The following LAMA3 variants were observed in gnomAD, a reference collection of about 807,000 sequenced individuals.
LAMA3 encodes laminin subunit alpha 3.
LAMA3 carries 281 observed loss-of-function variants against 402.0 expected under a neutral mutation model. The ratio of observed to expected loss-of-function variants is 0.70; its 90% CI spans 0.63 to 0.77. The LOEUF (loss-of-function observed/expected upper bound fraction) is 0.77, where lower values mean the gene tolerates loss of function less well. Ranked by LOEUF, LAMA3 falls within the 30% of genes least tolerant of loss-of-function variation. LAMA3 has a pLI of 0.00. For missense variants in LAMA3, 3,840 were observed against 4,215.5 expected (o/e 0.91, Z 2.47); for synonymous variants, 1,431 against 1,558.4 (o/e 0.92, Z 1.93).
chr18:23,939,432 C>T (rs1365686924), intron 68 of LAMA3, 46 bp downstream of exon 68: 2 of 1,589,122 alleles, frequency 1.3e-6, no homozygotes, highest in African/African-American at 2.7e-5. Flanking sequence ...GAACCTGACT[C>T]TGCGATTCCA....
rs751493670 is a variant in LAMA3, at chr18:23,833,875, G to T, written c.2871G>T (p.Val957=). Residue 957 remains valine (V), a synonymous_variant, in exon 24 of 75, where the codon GTG becomes GTT. Coordinates refer to ENST00000313654, the MANE Select transcript of LAMA3 (RefSeq NM_198129.4). ...GCATCCCACAGGTTGGCCACTACGT[G>T]GTTGTGGTCGAGTATTCCACGGAGG... ...RLRIPQVGHY[V]VVVEYSTEAA... 7 of 1,614,020 alleles carry T rather than the reference G, an allele frequency of 4.3e-6. No individual in the cohort carries two copies. Among genetic ancestry groups the T allele is most frequent in the Middle Eastern group, 1.7e-4 (1 of 5,914 alleles).
At chr18:23,855,553 A>G (rs972707933) in intron 32 of LAMA3, among the ~76,000 whole-genome samples, 3 of 152,208 alleles carry the variant, frequency 2.0e-5, no homozygotes, top group Admixed American at 6.5e-5. Flanking sequence ...GAGGGTCACA[A>G]GAAGAGAGCA....
chr18:23,744,405 CTAAT>C (rs1236307893), intron 2 of LAMA3, among the ~76,000 whole-genome samples: 1 of 152,148 alleles, frequency 6.6e-6, no homozygotes. Flanking sequence ...CATGTTCTAG[CTAAT>C]TAGTGCTGGA....
chr18:23,700,277 T>G, intron 1 of LAMA3, among the ~76,000 whole-genome samples: 1 of 152,160 alleles, frequency 6.6e-6, no homozygotes, highest in East Asian at 1.9e-4. Flanking sequence ...AGAACCCTCT[T>G]GGAGCCTGGA....
At chr18:23,865,265 G>A (rs909991188) in intron 36 of LAMA3, among the ~76,000 whole-genome samples, 2 of 152,056 alleles carry the variant, frequency 1.3e-5, no homozygotes, top group African/African-American at 2.4e-5. Context: ...AAGCACTGGA[G>A]TTATAGGCAC....
At position 23,839,477 on chromosome 18, in the gene LAMA3, G is replaced by A. The variant is rs1404640339; in HGVS notation, c.3192-308G>A. Among the ~76,000 whole-genome samples the A allele has an allele frequency of 6.6e-6, 1 of 152,174 alleles. No individual in the cohort carries two copies. The highest frequency in any genetic ancestry group is 2.4e-5 in the African/African-American group (1 of 41,432). On this transcript the variant is annotated intron_variant, in intron 26 of 74. Transcript: ENST00000313654. This position sits in a 1 kb window ranked among gnomAD's most constrained non-coding sequence, Gnocchi z 4.5. Reference sequence around the variant, plus strand: ...GTTTAGAGGTGAATAATGTTTTATTGTATTGATCTCATTTTAACAATTAAT... The same window carrying A: ...GTTTAGAGGTGAATAATGTTTTATTATATTGATCTCATTTTAACAATTAAT...
chr18:23,894,420 T>G, intron 43 of LAMA3, 72 bp downstream of exon 43: 1 of 1,313,294 alleles, frequency 7.6e-7, no homozygotes, highest in South Asian at 1.2e-5. Context: ...AGCACCATGC[T>G]GGGTCATGCA....
intron 1 of LAMA3, chr18:23,709,826 G>T: frequency 1.5e-6 from 1 of 662,630 alleles, no homozygotes; most frequent in South Asian, 1.4e-5. Flanking sequence ...CAGTTTAGAT[G>T]ATCCCAATTT....
chr18:23,697,587 T>A (rs1183781131), intron 1 of LAMA3, among the ~76,000 whole-genome samples: 1 of 152,234 alleles, frequency 6.6e-6, no homozygotes, highest in East Asian at 1.9e-4. Context: ...AATCCACAAC[T>A]TTTTGAGTGC....
rs188711864 is a variant in LAMA3, at chr18:23,768,410, A to C, written c.1182+4887A>C. ...AAAATGCTCCATATCACTAATCATC[A>C]TAGAAATGCATGTCAAAACCACAAT... On this transcript the variant is annotated intron_variant, in intron 8 of 74. Transcript: ENST00000313654. Among the ~76,000 whole-genome samples, 221 of 152,358 alleles carry C rather than the reference A, an allele frequency of 1.5e-3. 2 individuals are homozygous for C. The South Asian group carries it at 0.017, about 12-fold the overall frequency.
At chr18:23,807,851 T>C (rs998553641) in intron 12 of LAMA3, among the ~76,000 whole-genome samples, 19 of 152,232 alleles carry the variant, frequency 1.2e-4, no homozygotes, top group Admixed American at 9.2e-4. Context: ...GTTAGCCAAG[T>C]TGACACAAAA....
chr18:23,714,738 A>G (rs1598631661), intron 2 of LAMA3, among the ~76,000 whole-genome samples: 1 of 152,144 alleles, frequency 6.6e-6, no homozygotes, highest in East Asian at 1.9e-4. Context: ...GTACATTGGC[A>G]TCATTGTGCA....
Position 23,951,053 on chromosome 18 carries a change from T to C in LAMA3, c.9643-631T>C, listed in dbSNP as rs75645281. Among the ~76,000 whole-genome samples the C allele has an allele frequency of 1.2e-4, 19 of 152,320 alleles. No individual in the cohort carries two copies. The East Asian group carries it at 3.5e-3, about 28-fold the overall frequency. ...CCCATCTAGCTACATGCAAATTAAA[T>C]GTAAATTATTTATAAACACACTTAT... is the stretch of plus-strand genomic sequence containing the variant. On this transcript the variant is annotated intron_variant, in intron 72 of 74. Coordinates refer to ENST00000313654, the MANE Select transcript of LAMA3 (RefSeq NM_198129.4).
chr18:23,864,229 T>G (rs998838757), intron 35 of LAMA3, among the ~76,000 whole-genome samples: 3 of 151,676 alleles, frequency 2.0e-5, no homozygotes, highest in Admixed American at 6.6e-5. Context: ...TCTTTCATTT[T>G]TTTTTTTTTT....
At chr18:23,895,506 TTTC>T (rs2080846936) in intron 44 of LAMA3, among the ~76,000 whole-genome samples, 1 of 152,226 alleles carries the variant, frequency 6.6e-6, no homozygotes, top group Non-Finnish European at 1.5e-5. Flanking sequence ...GGGCTATGTG[TTTC>T]TTCTTGAGTG....
chr18:23,909,303 T>A lies in LAMA3; in HGVS notation c.7158+8T>A. 3 of 1,610,388 alleles carry A rather than the reference T, an allele frequency of 1.9e-6. No homozygotes were observed. In the South Asian group the frequency reaches 3.3e-5, roughly 18 times the overall value. On this transcript the variant is annotated splice_region_variant and intron_variant, in intron 55 of 74. Transcript: ENST00000313654. ...AGAGATGCTGCCAGTAAGGTGAGTG[T>A]GTCCCCACGTGGTCAGTGGCCAAGG...
At chr18:23,775,946 G>T (rs2062308264) in intron 10 of LAMA3, 23 bp downstream of exon 10, 1 of 1,614,058 alleles carries the variant, frequency 6.2e-7, no homozygotes, top group Admixed American at 1.7e-5. Flanking sequence ...TGCAGAACAA[G>T]AGGCCACCCT....
At chr18:23,928,352 G>A in intron 63 of LAMA3, 112 bp downstream of exon 63, 1 of 780,822 alleles carries the variant, frequency 1.3e-6, no homozygotes, top group South Asian at 1.5e-5. Context: ...GTGTTACAGT[G>A]AACTGGCTCA....
Position 23,714,030 on chromosome 18 carries a change from C to T in LAMA3, c.405C>T (p.Gly135=). ...RWWQSPPLSS[G]TQYNRVNLTL... ...GGCAAAGCCCTCCCCTGTCCTCAGG[C>T]ACACAGTACAACAGAGTCAACCTCA... The change falls in exon 2 of 75, where the codon GGC becomes GGT. Residue 135 remains glycine (G), a synonymous_variant. Transcript: ENST00000313654. 6.2e-7 allele frequency: 1 copy of T among 1,613,966 alleles called. No homozygotes were observed. Among genetic ancestry groups the T allele is most frequent in the Non-Finnish European group, 8.5e-7 (1 of 1,179,942 alleles).
Sources: allele counts gnomAD v4.1 joint callset (sites outside exome capture counted in the v4.1 genomes callset), GRCh38; gene constraint gnomAD v4.1.1; non-coding constraint Gnocchi (gnomAD v3.1); transcripts MANE v1.5; gene names NCBI Gene and HGNC (gene_info 2026-07-23, HGNC 2026-07-21).